Variants in SIK2 observed in about 807,000 individuals in gnomAD.
SIK2 encodes serine/threonine-protein kinase SIK2.
A neutral mutation model predicts 103.2 loss-of-function variants in SIK2; 29 were observed. That is an observed-to-expected ratio of 0.28 (90% confidence interval 0.21 to 0.38). SIK2 has a LOEUF of 0.38. Among genes scored for constraint, SIK2 ranks in the 10% least tolerant of loss-of-function variants. The pLI, the probability that SIK2 is intolerant of heterozygous loss-of-function variation, is 1.00. For missense variants in SIK2, 879 were observed against 1,171.0 expected, an observed-to-expected ratio of 0.75 and a Z score of 3.64; for synonymous variants, 412 against 446.1, an observed-to-expected ratio of 0.92 and a Z score of 0.96.
At position 111,719,877 on chromosome 11, in the gene SIK2, G is replaced by A; in HGVS notation, c.1369G>A (p.Glu457Lys). ...MMETSIDEGL[E>K]TEGEAEEDPA... is the part of the protein sequence containing the mutation. ...GGAGACCTCCATTGACGAAGGGCTG[G>A]AGACAGAAGGAGAGGCCGAGGAAGA... Residue 457 changes from glutamate (E) to lysine (K), a missense_variant, in exon 10 of 15, where the codon GAG becomes AAG. By Grantham distance (56) the Glu-to-Lys change is moderately conservative. Transcript: ENST00000304987. The A allele has an allele frequency of 6.2e-7, 1 of 1,614,130 alleles. No individual in the cohort carries two copies.
chr11:111,604,771 G>A (rs1489728394), intron 1 of SIK2, among the ~76,000 whole-genome samples: 1 of 152,108 alleles, frequency 6.6e-6, no homozygotes, highest in African/African-American at 2.4e-5. Flanking sequence ...ATTTCCCTGT[G>A]CTTTTCTAAA....
At chr11:111,651,429 GA>G (rs1208653780) in intron 3 of SIK2, among the ~76,000 whole-genome samples, 4 of 152,234 alleles carry the variant, frequency 2.6e-5, no homozygotes, top group Middle Eastern at 6.8e-3. Context: ...ACTAATGCCG[GA>G]ACAAAAAGCC....
chr11:111,624,523 CT>C (rs1941935161), intron 3 of SIK2, among the ~76,000 whole-genome samples: 1 of 152,056 alleles, frequency 6.6e-6, no homozygotes, highest in South Asian at 2.1e-4. Context: ...TTTTTCTTGC[CT>C]TTCTTTCCTA....
chr11:111,659,738 A>C (rs894998765), intron 3 of SIK2, among the ~76,000 whole-genome samples: 6 of 152,178 alleles, frequency 3.9e-5, no homozygotes, highest in Non-Finnish European at 8.8e-5. Context: ...AATCCAAGTC[A>C]CAGAATCCTT....
At chr11:111,652,096 T>C (rs1005006919) in intron 3 of SIK2, among the ~76,000 whole-genome samples, 1 of 152,212 alleles carries the variant, frequency 6.6e-6, no homozygotes, top group Non-Finnish European at 1.5e-5. Flanking sequence ...GTCAAAATTA[T>C]TGAGTATCCG....
At chr11:111,687,679 C>A (rs551482056) in intron 3 of SIK2, among the ~76,000 whole-genome samples, 208 of 151,058 alleles carry the variant, frequency 1.4e-3, no homozygotes, top group African/African-American at 4.9e-3. Context: ...GATCTCGGCT[C>A]ACTGCAAGCT....
At chr11:111,721,689 G>A (rs1439526010) in intron 12 of SIK2, 141 bp from the exon 13 acceptor site, 2 of 575,232 alleles carry the variant, frequency 3.5e-6, no homozygotes, top group Non-Finnish European at 6.1e-6. Flanking sequence ...TCAGCCTACT[G>A]GCTCTGTAAA....
chr11:111,723,656 C>T lies in SIK2; in HGVS notation c.2308C>T (p.Leu770=), dbSNP rs1209003939. 1.2e-6 allele frequency: 2 copies of T among 1,613,768 alleles called. No individual in the cohort carries two copies. The highest frequency in any genetic ancestry group is 1.7e-6 in the Non-Finnish European group (2 of 1,179,964). The change falls in exon 15 of 15, where the codon CTG becomes TTG. Residue 770 remains leucine (L), a synonymous_variant. Coordinates refer to ENST00000304987, the MANE Select transcript of SIK2 (RefSeq NM_015191.3). The part of the protein sequence containing the change: ...PPSQQAPPFS[L]TQPLSPVLEP... ...TTCTCAGCAGGCCCCACCGTTCAGC[C>T]TGACCCAGCCCCTGAGCCCCGTCCT...
At chr11:111,679,419 AT>A (rs1942748739) in intron 3 of SIK2, among the ~76,000 whole-genome samples, 1 of 152,266 alleles carries the variant, frequency 6.6e-6, no homozygotes, top group African/African-American at 2.4e-5. Context: ...TGAAAGCACA[AT>A]TAAATTGCCA....
chr11:111,723,906 G>C lies in SIK2; in HGVS notation c.2558G>C (p.Ser853Thr), dbSNP rs1324416126. 2 of 1,612,896 alleles carry C rather than the reference G, an allele frequency of 1.2e-6. No homozygotes were observed. Among genetic ancestry groups the C allele is most frequent in the South Asian group, 2.2e-5 (2 of 91,016 alleles). ...QFSYQTCELP[S>T]AASPAPDYPT... The stretch of plus-strand genomic sequence containing the variant: ...TCCTATCAGACTTGTGAGCTGCCAA[G>C]CGCTGCTTCCCCTGCGCCAGACTAT... The change falls in exon 15 of 15, where the codon AGC (serine) becomes ACC (threonine). Residue 853 changes from serine (S) to threonine (T), a missense_variant. Around this residue, in one of 7 missense-constraint regions of SIK2, gnomAD observed 375 missense variants for 416.3 expected, o/e 0.90. Transcript: ENST00000304987.
At chr11:111,640,575 T>TAATG (rs1441319701) in intron 3 of SIK2, among the ~76,000 whole-genome samples, 2 of 152,108 alleles carry the variant, frequency 1.3e-5, no homozygotes, top group Admixed American at 1.3e-4. Flanking sequence ...ATTCAAGAAA[T>TAATG]AATGACTGGG....
At chr11:111,720,446 G>A (rs760254866) in intron 10 of SIK2, 32 bp from the exon 11 acceptor site, 4 of 1,559,202 alleles carry the variant, frequency 2.6e-6, no homozygotes, top group South Asian at 1.2e-5. Flanking sequence ...TGCTATTGCT[G>A]TTGGTTTTAT....
At chr11:111,616,815 A>T (rs1438574273) in intron 2 of SIK2, among the ~76,000 whole-genome samples, 1 of 152,102 alleles carries the variant, frequency 6.6e-6, no homozygotes, top group Non-Finnish European at 1.5e-5. Flanking sequence ...TGGGTGACAA[A>T]GTGAGACACT....
At chr11:111,618,854 TC>T (rs1046196812) in intron 2 of SIK2, among the ~76,000 whole-genome samples, 12 of 152,058 alleles carry the variant, frequency 7.9e-5, no homozygotes, top group African/African-American at 2.4e-4. Context: ...CCTCAACCCC[TC>T]CCCAAGTAGC....
intron 3 of SIK2, among the ~76,000 whole-genome samples, chr11:111,685,818 C>T (rs187381549): frequency 1.3e-5 from 2 of 152,190 alleles, no homozygotes; most frequent in Non-Finnish European, 2.9e-5. Flanking sequence ...CACTGTACTG[C>T]ACCCTGGGCA....
chr11:111,717,626 T>C (rs1269773361), intron 9 of SIK2, among the ~76,000 whole-genome samples: 1 of 152,182 alleles, frequency 6.6e-6, no homozygotes, highest in Non-Finnish European at 1.5e-5. Context: ...CATTCTATTA[T>C]AAAGATACAT....
intron 10 of SIK2, 35 bp from the exon 11 acceptor site, chr11:111,720,443 G>T: frequency 6.4e-7 from 1 of 1,555,684 alleles, no homozygotes; most frequent in Non-Finnish European, 8.7e-7. Flanking sequence ...AGATGCTATT[G>T]CTGTTGGTTT....
At chr11:111,662,691 A>G (rs1346441145) in intron 3 of SIK2, among the ~76,000 whole-genome samples, 1 of 152,120 alleles carries the variant, frequency 6.6e-6, no homozygotes, top group Non-Finnish European at 1.5e-5. Context: ...AGCCTGGGCA[A>G]CATGGCGATA....
intron 3 of SIK2, among the ~76,000 whole-genome samples, chr11:111,636,961 G>A (rs1216079692): frequency 2.0e-5 from 3 of 152,076 alleles, no homozygotes; most frequent in Non-Finnish European, 4.4e-5. Context: ...ATGTGCTTTG[G>A]TGTGGGTCTA....
Sources: gnomAD v4.1 joint callset for allele counts (sites outside exome capture counted in the v4.1 genomes callset) on GRCh38, gnomAD v4.1.1 for gene constraint, gnomAD v4.1.1 regional missense constraint, MANE v1.5 for transcripts, NCBI Gene and HGNC (gene_info 2026-07-23, HGNC 2026-07-21) for gene names.